The following RBFOX1 variants were observed in gnomAD, a reference collection of about 807,000 sequenced individuals.
RBFOX1 encodes the protein RNA binding fox-1 homolog 1, also known as RNA binding protein fox-1 homolog 1.
In RBFOX1, 8 loss-of-function variants were observed where a neutral mutation model predicts 57.7. That is an observed-to-expected ratio of 0.14 (90% CI 0.08 to 0.25). RBFOX1 has a LOEUF of 0.25. Ranked by LOEUF, RBFOX1 falls within the 10% of genes least tolerant of loss-of-function variation. The probability of loss-of-function intolerance (pLI) is 1.00; values close to 1 mark genes in which losing one functional copy is unlikely to be tolerated. For synonymous variants in RBFOX1, 326 were observed against 222.4 expected (o/e 1.47, Z -4.15); for missense variants, 611 against 548.5 (o/e 1.11, Z -1.14).
intron 4 of RBFOX1, among the ~76,000 whole-genome samples, chr16:7,278,955 T>A (rs373137659): frequency 4.6e-5 from 7 of 152,012 alleles, no homozygotes; most frequent in African/African-American, 1.7e-4. Context: ...TTCTTCTGGC[T>A]TTTTTTTCCT....
At chr16:7,564,472 C>G (rs149579013) in intron 5 of RBFOX1, among the ~76,000 whole-genome samples, 12 of 137,160 alleles carry the variant, frequency 8.7e-5, no homozygotes, top group African/African-American at 3.3e-4. Context: ...TCCTGGGAGG[C>G]GGAGCTTGCA....
intron 3 of RBFOX1, among the ~76,000 whole-genome samples, chr16:5,642,622 C>T (rs1334509552): frequency 6.6e-6 from 1 of 152,168 alleles, no homozygotes; most frequent in Non-Finnish European, 1.5e-5. Flanking sequence ...CCCCCCTTCC[C>T]CAGCCACCCA....
chr16:6,346,989 C>G (rs936011321), intron 2 of RBFOX1, among the ~76,000 whole-genome samples: 2 of 152,060 alleles, frequency 1.3e-5, no homozygotes. Flanking sequence ...TTTCCATGTA[C>G]AGCCTTGTTT....
intron 11 of RBFOX1, among the ~76,000 whole-genome samples, chr16:7,643,150 G>A (rs756403337): frequency 2.6e-5 from 4 of 152,138 alleles, no homozygotes; most frequent in Admixed American, 1.3e-4. Flanking sequence ...TACTGCCTTC[G>A]CTCAGAGACA....
At chr16:6,714,137 G>C (rs565644093) in intron 3 of RBFOX1, among the ~76,000 whole-genome samples, 1 of 152,106 alleles carries the variant, frequency 6.6e-6, no homozygotes, top group African/African-American at 2.4e-5. Flanking sequence ...AGTTTTTCCT[G>C]CACTCTCACG....
intron 3 of RBFOX1, among the ~76,000 whole-genome samples, chr16:5,777,298 CTT>C (rs2054179580): frequency 6.6e-6 from 1 of 152,202 alleles, no homozygotes; most frequent in African/African-American, 2.4e-5. Context: ...ATCTTCAAGT[CTT>C]TTAATTCTGA....
chr16:5,685,686 A>G (rs1211365598), intron 3 of RBFOX1, among the ~76,000 whole-genome samples: 1 of 152,216 alleles, frequency 6.6e-6, no homozygotes, highest in African/African-American at 2.4e-5. Context: ...ATCTCATCCT[A>G]TATCTAAAAA....
chr16:6,353,243 T>C (rs985848934), intron 2 of RBFOX1, among the ~76,000 whole-genome samples: 3 of 152,224 alleles, frequency 2.0e-5, no homozygotes, highest in Non-Finnish European at 4.4e-5. Context: ...TCATACGTCC[T>C]CCATCTGAAA....
At chr16:6,492,510 A>G (rs950741147) in intron 2 of RBFOX1, among the ~76,000 whole-genome samples, 6 of 152,214 alleles carry the variant, frequency 3.9e-5, no homozygotes, top group African/African-American at 1.4e-4. Context: ...TGGAGGTTGC[A>G]GTGAGCCGAG....
chr16:7,272,178 C>T (rs1287425060), intron 4 of RBFOX1, among the ~76,000 whole-genome samples: 1 of 152,108 alleles, frequency 6.6e-6, no homozygotes, highest in Non-Finnish European at 1.5e-5. Flanking sequence ...CTTTGCTTGA[C>T]CATTTCCCTA....
chr16:6,869,866 G>C (rs185375618), intron 3 of RBFOX1, among the ~76,000 whole-genome samples: 2 of 152,082 alleles, frequency 1.3e-5, no homozygotes, highest in African/African-American at 2.4e-5. Flanking sequence ...AGGGGAATCT[G>C]TTCAGAACGT....
At chr16:7,476,650 T>C (rs1322754253) in intron 4 of RBFOX1, among the ~76,000 whole-genome samples, 4 of 152,178 alleles carry the variant, frequency 2.6e-5, no homozygotes, top group Non-Finnish European at 5.9e-5. Context: ...AAATTTCACC[T>C]TTGGGGCACA....
chr16:6,671,999 C>T (rs1315838548), intron 3 of RBFOX1, among the ~76,000 whole-genome samples: 1 of 152,180 alleles, frequency 6.6e-6, no homozygotes, highest in Non-Finnish European at 1.5e-5. Context: ...ATGGCTTGGT[C>T]ATATGTTAAC....
chr16:7,184,262 T>A (rs11077141), intron 4 of RBFOX1, among the ~76,000 whole-genome samples: 188 of 152,068 alleles, frequency 1.2e-3, no homozygotes, highest in African/African-American at 4.4e-3. Context: ...GGGTTGAATT[T>A]TAGTTTTAGG....
chr16:7,664,818 C>G (rs1350723473), intron 12 of RBFOX1, 111 bp from the exon 13 acceptor site: 1 of 1,588,820 alleles, frequency 6.3e-7, no homozygotes, highest in Non-Finnish European at 8.6e-7. Context: ...ATCCTCGGTT[C>G]CTGTGTTTTG....
intron 4 of RBFOX1, among the ~76,000 whole-genome samples, chr16:5,999,746 A>C (rs1182820398): frequency 2.0e-5 from 3 of 151,906 alleles, no homozygotes; most frequent in African/African-American, 7.3e-5. Flanking sequence ...CTGTAGTCCC[A>C]GCTACTTGGG....
At chr16:6,909,575 C>G (rs968328107) in intron 3 of RBFOX1, among the ~76,000 whole-genome samples, 4 of 152,224 alleles carry the variant, frequency 2.6e-5, no homozygotes, top group African/African-American at 9.6e-5. Context: ...TATTCAGGCT[C>G]AGCTACCTAG....
At chr16:5,955,637 GTTA>G (rs2059622969) in intron 4 of RBFOX1, among the ~76,000 whole-genome samples, 2 of 152,052 alleles carry the variant, frequency 1.3e-5, no homozygotes, top group South Asian at 4.1e-4. Flanking sequence ...GAGCACTGTT[GTTA>G]TTATCATAGA....
intron 4 of RBFOX1, among the ~76,000 whole-genome samples, chr16:7,214,827 A>G (rs963308228): frequency 2.6e-5 from 4 of 152,186 alleles, no homozygotes; most frequent in African/African-American, 2.4e-5. Flanking sequence ...TAATGTCTGC[A>G]TATATGAGAT....
Sources: gnomAD v4.1 joint callset for allele counts (sites outside exome capture counted in the v4.1 genomes callset) on GRCh38, gnomAD v4.1.1 for gene constraint, MANE v1.5 for transcripts, NCBI Gene and HGNC (gene_info 2026-07-23, HGNC 2026-07-21) for gene names.